CDKL4: variants seen among roughly 807,000 people sequenced by gnomAD.
The protein encoded by CDKL4 is cyclin-dependent kinase-like 4.
CDKL4 carries 44 observed loss-of-function variants against 42.0 expected under a neutral mutation model. The ratio of observed to expected loss-of-function variants is 1.05; its 90% CI spans 0.82 to 1.35. The LOEUF is 1.35. Ranked by LOEUF, CDKL4 falls within the 40% of genes most tolerant of loss-of-function variation. The pLI is 0.00. For synonymous variants in CDKL4, 120 were observed against 121.6 expected (o/e 0.99, Z 0.09); for missense variants, 393 against 369.9 (o/e 1.06, Z -0.51).
rs531441413 is a variant in CDKL4, at chr2:39,204,301, T to C, written c.454+226A>G. Among the ~76,000 whole-genome samples the C allele has an allele frequency of 5.9e-5, 9 of 152,358 alleles. No homozygotes were observed. In the South Asian group the frequency reaches 1.9e-3, roughly 32 times the overall value. On this transcript the variant is annotated intron_variant, in intron 5 of 9. Transcript: ENST00000451199. ...AAATGCTTTTAGAAATCTTTTCCTT[T>C]CCTATGGGGCAAAGCACAGAAAGGT...
intron 3 of CDKL4, among the ~76,000 whole-genome samples, chr2:39,224,076 A>T (rs1678544990): frequency 6.6e-6 from 1 of 152,218 alleles, no homozygotes; most frequent in Admixed American, 6.5e-5. Context: ...CTTTTAAAAA[A>T]TGTTATTTGT....
chr2:39,178,485 A>G, intron 9 of CDKL4: 3 of 1,341,062 alleles, frequency 2.2e-6, no homozygotes, highest in Non-Finnish European at 3.1e-6. Context: ...ATACTGTTTT[A>G]GGTGCCGGGT....
At chr2:39,236,154 T>TAAAAAAAAAAAAAAAA (rs58561018) in intron 1 of CDKL4, among the ~76,000 whole-genome samples, 1 of 87,824 alleles carries the variant, frequency 1.1e-5, no homozygotes, top group Non-Finnish European at 2.6e-5. Context: ...AATTTTAGAG[T>TAAAAAAAAAAAAAAAA]AAAAAAAAAA....
intron 2 of CDKL4, among the ~76,000 whole-genome samples, chr2:39,226,457 T>TATATATATTATATATA (rs1678740569): frequency 7.5e-6 from 1 of 133,468 alleles, no homozygotes; most frequent in Admixed American, 7.5e-5. Context: ...ATATATATAT[T>TATATATATTATATATA]ATATATATTA....
chr2:39,225,664 C>T (rs1057291392), intron 3 of CDKL4, among the ~76,000 whole-genome samples, 175 bp downstream of exon 3: 1 of 152,080 alleles, frequency 6.6e-6, no homozygotes, highest in African/African-American at 2.4e-5. Context: ...ATTATAACTC[C>T]TATAGGTAAA....
chr2:39,186,472 T>C (rs1675834971), intron 7 of CDKL4, among the ~76,000 whole-genome samples: 1 of 152,138 alleles, frequency 6.6e-6, no homozygotes, highest in African/African-American at 2.4e-5. Flanking sequence ...TTCTGGACCA[T>C]ATGGAGCTTT....
chr2:39,209,705 G>T (rs1257766597), intron 4 of CDKL4, among the ~76,000 whole-genome samples: 1 of 152,194 alleles, frequency 6.6e-6, no homozygotes, highest in Non-Finnish European at 1.5e-5. Flanking sequence ...CGACTCTGGA[G>T]ATGATAAGGT....
At chr2:39,214,375 A>G (rs1306938250) in intron 3 of CDKL4, among the ~76,000 whole-genome samples, 9 of 152,164 alleles carry the variant, frequency 5.9e-5, no homozygotes, top group Non-Finnish European at 8.8e-5. Context: ...TGAGAATTTT[A>G]TGCATAGAGG....
chr2:39,206,666 CT>C (rs1380191403), intron 4 of CDKL4, among the ~76,000 whole-genome samples: 1 of 152,212 alleles, frequency 6.6e-6, no homozygotes, highest in Non-Finnish European at 1.5e-5. Flanking sequence ...CAACTGGGCC[CT>C]CACAGGGAAC....
At chr2:39,183,844 T>A (rs1347985992) in intron 8 of CDKL4, among the ~76,000 whole-genome samples, 4 of 152,022 alleles carry the variant, frequency 2.6e-5, no homozygotes, top group Non-Finnish European at 5.9e-5. Context: ...GGACTTAGGT[T>A]GAAGCACTCC....
At chr2:39,197,401 C>T (rs992264164) in intron 5 of CDKL4, among the ~76,000 whole-genome samples, 1 of 152,022 alleles carries the variant, frequency 6.6e-6, no homozygotes, top group Non-Finnish European at 1.5e-5. Flanking sequence ...GTTTGGAAAA[C>T]ATATTTGAGG....
At chr2:39,222,218 G>A (rs972605724) in intron 3 of CDKL4, among the ~76,000 whole-genome samples, 1 of 152,126 alleles carries the variant, frequency 6.6e-6, no homozygotes, top group African/African-American at 2.4e-5. Flanking sequence ...ATTCAATGGG[G>A]ATTCAAAGGA....
intron 4 of CDKL4, among the ~76,000 whole-genome samples, chr2:39,207,323 T>G (rs958865523): frequency 1.3e-5 from 2 of 152,142 alleles, no homozygotes; most frequent in African/African-American, 4.8e-5. Context: ...AGGTGGAGGT[T>G]GCAGTGAGCC....
At position 39,185,334 on chromosome 2, in the gene CDKL4, GTA is replaced by G. The variant is rs746199277; in HGVS notation, c.736-689_736-688del. Among the ~76,000 whole-genome samples the G allele has an allele frequency of 7.2e-4, 51 of 70,902 alleles. 13 individuals carry two copies. The highest frequency in any genetic ancestry group is 3.4e-3 in the African/African-American group (45 of 13,062). 46.5% of individuals were successfully genotyped at this position (70,902 alleles called of 152,430 possible). ...TATATATACATATATATACACATATGTATATATATACACATATGTATATATAC... is the reference window on the plus strand; with the variant it reads ...TATATATACATATATATACACATATGTATATATACACATATGTATATATAC... On this transcript the variant is annotated intron_variant, in intron 7 of 9. Coordinates refer to ENST00000451199, the Ensembl canonical transcript of CDKL4.
At chr2:39,246,594 A>G (rs1445149325), upstream of CDKL4, among the ~76,000 whole-genome samples, 8 of 152,154 alleles carry the variant, frequency 5.3e-5, no homozygotes, top group Admixed American at 2.0e-4. Flanking sequence ...CAATGTCACT[A>G]TTTCTTGAAC....
intron 1 of CDKL4, among the ~76,000 whole-genome samples, chr2:39,239,896 C>T (rs1010518813): frequency 1.3e-5 from 2 of 151,502 alleles, no homozygotes; most frequent in African/African-American, 4.9e-5. Flanking sequence ...TCAAGACCAG[C>T]CTGGCCAACA....
At position 39,188,560 on chromosome 2, in the gene CDKL4, C is replaced by CAAAA. The variant is rs34568815; in HGVS notation, c.653-855_653-852dup. On this transcript the variant is annotated intron_variant, in intron 6 of 9. Coordinates refer to ENST00000451199, the Ensembl canonical transcript of CDKL4. ...CTGGCAACAGAGTGACAGTCCGTCT[C>CAAAA]AAAAAAAAAAAAAAAAAAAAAAAAA... 1.2e-3 allele frequency among the ~76,000 whole-genome samples: 53 copies of CAAAA among 45,262 alleles called. 4 individuals are homozygous for CAAAA. Among genetic ancestry groups the CAAAA allele is most frequent in the African/African-American group, 3.4e-3 (27 of 8,042 alleles). 29.7% of individuals were successfully genotyped at this position (45,262 alleles called of 152,430 possible).
upstream of CDKL4, among the ~76,000 whole-genome samples, chr2:39,246,148 C>T (rs1411547700): frequency 1.3e-5 from 2 of 152,190 alleles, no homozygotes; most frequent in East Asian, 1.9e-4. Context: ...CTTCCCTAAA[C>T]AGGTGACTCT....
At chr2:39,186,817 TCTC>T (rs1339334904) in intron 7 of CDKL4, among the ~76,000 whole-genome samples, 1 of 151,312 alleles carries the variant, frequency 6.6e-6, no homozygotes, top group African/African-American at 2.4e-5. Context: ...AAGGGAAAAT[TCTC>T]CTAAGGCTTT....
Sources: allele counts gnomAD v4.1 joint callset (sites outside exome capture counted in the v4.1 genomes callset), GRCh38; gene constraint gnomAD v4.1.1; transcripts MANE v1.5; gene names NCBI Gene and HGNC (gene_info 2026-07-23, HGNC 2026-07-21).